Variants in MTHFD1L observed in about 807,000 individuals in gnomAD.
MTHFD1L encodes methylenetetrahydrofolate dehydrogenase (NADP+ dependent) 1 like, also known as monofunctional C1-tetrahydrofolate synthase, mitochondrial.
MTHFD1L carries 81 observed loss-of-function variants against 119.5 expected under a neutral mutation model. The observed-to-expected ratio is 0.68, with a 90% CI of 0.57 to 0.82. The LOEUF (loss-of-function observed/expected upper bound fraction) is 0.82, where lower values mean the gene tolerates loss of function less well. Ranked by LOEUF, MTHFD1L falls within the 40% of genes least tolerant of loss-of-function variation. The pLI is 0.00. For missense variants in MTHFD1L, 1,125 were observed against 1,253.4 expected (o/e 0.90, Z 1.55); for synonymous variants, 430 against 475.2 (o/e 0.90, Z 1.24).
intron 26 of MTHFD1L, among the ~76,000 whole-genome samples, chr6:151,080,632 T>G (rs1189945795): frequency 6.6e-6 from 1 of 152,226 alleles, no homozygotes; most frequent in Non-Finnish European, 1.5e-5. Flanking sequence ...TGTATTAGTC[T>G]GCTAGGGCTG....
At chr6:150,984,385 G>A (rs1178840101) in intron 20 of MTHFD1L, among the ~76,000 whole-genome samples, 3 of 152,058 alleles carry the variant, frequency 2.0e-5, no homozygotes, top group African/African-American at 4.8e-5. Context: ...GAAGAAACAT[G>A]CAAAACAAAT....
At chr6:151,085,718 CAG>C (rs1363457640) in intron 26 of MTHFD1L, among the ~76,000 whole-genome samples, 4 of 152,046 alleles carry the variant, frequency 2.6e-5, no homozygotes, top group Non-Finnish European at 5.9e-5. Flanking sequence ...TTGCAGTGAG[CAG>C]AGATTGTGCT....
chr6:151,008,398 T>C (rs951062889), intron 20 of MTHFD1L, among the ~76,000 whole-genome samples: 1 of 152,232 alleles, frequency 6.6e-6, no homozygotes, highest in Non-Finnish European at 1.5e-5. Context: ...TAGTATTCCC[T>C]TCCTAGAGTG....
At chr6:150,948,530 G>A (rs1794365010) in intron 15 of MTHFD1L, among the ~76,000 whole-genome samples, 1 of 151,810 alleles carries the variant, frequency 6.6e-6, no homozygotes, top group Non-Finnish European at 1.5e-5. Context: ...CACCATGTTG[G>A]CCAGTCTGGT....
At chr6:150,919,405 A>G (rs894002134) in intron 9 of MTHFD1L, among the ~76,000 whole-genome samples, 1 of 151,914 alleles carries the variant, frequency 6.6e-6, no homozygotes, top group Non-Finnish European at 1.5e-5. Flanking sequence ...TTGTATTTTT[A>G]GTAGAGACAG....
chr6:150,923,537 A>ATTTATTTATTTATTTTTTTT (rs1254981530), intron 10 of MTHFD1L, among the ~76,000 whole-genome samples: 3 of 95,198 alleles, frequency 3.2e-5, no homozygotes, highest in African/African-American at 1.0e-4. Context: ...TTATTTATTT[A>ATTTATTTATTTATTTTTTTT]TTTTTTCTTT....
chr6:150,871,537 T>G (rs1779502590), intron 1 of MTHFD1L, among the ~76,000 whole-genome samples: 3 of 145,018 alleles, frequency 2.1e-5, no homozygotes, highest in Non-Finnish European at 4.5e-5. Context: ...AATCTTGCTC[T>G]GTCGCCCAGG....
At chr6:150,953,462 G>A (rs1174175990) in intron 16 of MTHFD1L, among the ~76,000 whole-genome samples, 4 of 152,140 alleles carry the variant, frequency 2.6e-5, no homozygotes, top group South Asian at 2.1e-4. Flanking sequence ...CAGCTGGCTC[G>A]GGACTAGGCA....
Position 151,025,104 on chromosome 6 carries a change from G to A in MTHFD1L, c.2587-9389G>A, listed in dbSNP as rs564439699. The stretch of plus-strand genomic sequence containing the variant: ...GTGGAGAAATGCAGCTTTTCTAGCG[G>A]CGAGCCTTTCTTCCATTTCCCAGAG... On this transcript the variant is annotated intron_variant, in intron 24 of 27. Transcript: ENST00000367321. 5.3e-5 allele frequency among the ~76,000 whole-genome samples: 8 copies of A among 152,326 alleles called. No individual in the cohort carries two copies. The South Asian group carries it at 1.7e-3, about 32-fold the overall frequency.
intron 21 of MTHFD1L, 41 bp downstream of exon 21, chr6:151,009,999 A>T: frequency 1.9e-6 from 3 of 1,540,306 alleles, no homozygotes; most frequent in Non-Finnish European, 1.7e-6. Flanking sequence ...AAGAAATTTC[A>T]TTATGTTAAA....
At chr6:150,916,586 C>T (rs552604274) in intron 8 of MTHFD1L, among the ~76,000 whole-genome samples, 9 of 147,124 alleles carry the variant, frequency 6.1e-5, no homozygotes, top group Admixed American at 2.1e-4. Context: ...TACTCGGCCT[C>T]CTAGAGTCCT....
intron 26 of MTHFD1L, among the ~76,000 whole-genome samples, chr6:151,072,301 A>T (rs1167038396): frequency 2.6e-5 from 4 of 152,122 alleles, no homozygotes; most frequent in African/African-American, 9.7e-5. Context: ...ACTTTTTATT[A>T]ATTTTATTCT....
intron 20 of MTHFD1L, among the ~76,000 whole-genome samples, chr6:151,008,278 G>A (rs1781677546): frequency 6.6e-6 from 1 of 152,210 alleles, no homozygotes; most frequent in African/African-American, 2.4e-5. Context: ...CATGTTAAAT[G>A]TTTCTGATAT....
chr6:150,886,917 G>T (rs887347471), intron 6 of MTHFD1L, among the ~76,000 whole-genome samples: 12 of 150,798 alleles, frequency 8.0e-5, no homozygotes, highest in African/African-American at 2.9e-4. Context: ...AATGGCTGGA[G>T]CCTGGGAGGT....
chr6:151,081,838 G>A (rs147340695), intron 26 of MTHFD1L, among the ~76,000 whole-genome samples: 219 of 152,266 alleles, frequency 1.4e-3, no homozygotes, highest in Non-Finnish European at 2.1e-3. Context: ...AGGCAGCTGC[G>A]CCTTTGATAA....
intron 26 of MTHFD1L, among the ~76,000 whole-genome samples, chr6:151,075,720 G>A (rs956283257): frequency 3.9e-5 from 6 of 152,112 alleles, no homozygotes; most frequent in Non-Finnish European, 7.4e-5. Context: ...GTCACAAAAT[G>A]TCTTAATAAA....
chr6:150,874,470 G>T (rs1039675708), intron 1 of MTHFD1L, among the ~76,000 whole-genome samples: 2 of 152,220 alleles, frequency 1.3e-5, no homozygotes, highest in Non-Finnish European at 2.9e-5. Context: ...AAAGCTTCCC[G>T]ATGCCTTTCT....
chr6:151,050,266 G>A (rs1466923926), intron 26 of MTHFD1L, among the ~76,000 whole-genome samples: 10 of 152,132 alleles, frequency 6.6e-5, no homozygotes, highest in Non-Finnish European at 1.0e-4. Flanking sequence ...GGGTTCAAGC[G>A]ACTCTCCCAC....
intron 22 of MTHFD1L, 118 bp from the exon 23 acceptor site, chr6:151,014,762 G>C: frequency 1.5e-6 from 1 of 674,860 alleles, no homozygotes. Flanking sequence ...CTTTCTTGGA[G>C]GAAAAAGTGA....
Sources: gnomAD v4.1 joint callset for allele counts (sites outside exome capture counted in the v4.1 genomes callset) on GRCh38, gnomAD v4.1.1 for gene constraint, MANE v1.5 for transcripts, NCBI Gene and HGNC (gene_info 2026-07-23, HGNC 2026-07-21) for gene names.